CD40: variants seen among roughly 807,000 people sequenced by gnomAD.
CD40 encodes CD40 molecule.
In CD40, 19 loss-of-function variants were observed where a neutral mutation model predicts 38.5. The ratio of observed to expected loss-of-function variants is 0.49; its 90% CI spans 0.34 to 0.72. The LOEUF (loss-of-function observed/expected upper bound fraction) is 0.72, where lower values mean the gene tolerates loss of function less well. CD40 is among the 30% of genes least tolerant of loss of function. CD40 has a pLI of 0.01. For synonymous variants in CD40, 130 were observed against 128.7 expected, an observed-to-expected ratio of 1.01 and a Z score of -0.07; for missense variants, 256 against 344.1, an observed-to-expected ratio of 0.74 and a Z score of 2.03.
chr20:46,120,519 A>C (rs762605131), intron 1 of CD40, among the ~76,000 whole-genome samples: 102 of 152,228 alleles, frequency 6.7e-4, no homozygotes, highest in Non-Finnish European at 2.8e-4. Flanking sequence ...TTCTTTTAAA[A>C]ATCCTTCTCA....
At chr20:46,128,857 G>T (rs779861390) in intron 8 of CD40, 25 bp from the exon 9 acceptor site, 17 of 1,613,384 alleles carry the variant, frequency 1.1e-5, no homozygotes, top group African/African-American at 2.7e-5. Context: ...GCTGCTGGGG[G>T]TGACCTCACA....
At chr20:46,125,346 C>G (rs1295218248) in intron 5 of CD40, among the ~76,000 whole-genome samples, 1 of 151,330 alleles carries the variant, frequency 6.6e-6, no homozygotes, top group Non-Finnish European at 1.5e-5. Context: ...GAGATCGAGA[C>G]CATCCTGGCT....
chr20:46,122,820 G>C lies in CD40; in HGVS notation c.403+64G>C. The C allele has an allele frequency of 1.9e-5, 30 of 1,585,078 alleles. No homozygotes were observed. The highest frequency in any genetic ancestry group is 2.2e-5 in the East Asian group (1 of 44,480). On this transcript the variant is annotated intron_variant, in intron 4 of 8. Transcript: ENST00000372285. This position sits in a 1 kb window ranked among gnomAD's most constrained non-coding sequence, Gnocchi z 5.0. ...AGAGGAGCTTAGGGCCCAAGGTGAGGGGCTGGGCAGTGGGCACTTAGCCCC... is the reference window on the plus strand; with the variant it reads ...AGAGGAGCTTAGGGCCCAAGGTGAGCGGCTGGGCAGTGGGCACTTAGCCCC...
chr20:46,123,611 C>T (rs2085361990), intron 5 of CD40, among the ~76,000 whole-genome samples: 1 of 152,152 alleles, frequency 6.6e-6, no homozygotes. Context: ...CCTCCAACTC[C>T]AAACCCACAC....
chr20:46,127,937 A>G, intron 6 of CD40: 2 of 994,846 alleles, frequency 2.0e-6, no homozygotes, highest in Non-Finnish European at 2.9e-6. Flanking sequence ...AATGTCGGCA[A>G]ATATTTCCAA....
At position 46,122,680 on chromosome 20, in the gene CD40, G is replaced by A. The variant is rs778017892; in HGVS notation, c.327G>A (p.Trp109Ter). The A allele has an allele frequency of 3.7e-6, 6 of 1,614,168 alleles. No individual in the cohort carries two copies. The highest frequency in any genetic ancestry group is 5.1e-6 in the Non-Finnish European group (6 of 1,180,034). The stretch of plus-strand genomic sequence containing the variant: ...CCATCTGCACCTGTGAAGAAGGCTG[G>A]CACTGTACGAGTGAGGCCTGTGAGA... ...TDTICTCEEG[W>*]HCTSEACESC... The change falls in exon 4 of 9, where the codon TGG (tryptophan) becomes TGA (stop). Residue 109 changes from tryptophan to a stop codon, truncating the protein, a stop_gained. Transcript: ENST00000372285. LOFTEE classifies it high-confidence loss of function. This position sits in a 1 kb window ranked among gnomAD's most constrained non-coding sequence, Gnocchi z 5.0.
chr20:46,126,919 T>C, intron 6 of CD40: 1 of 672,496 alleles, frequency 1.5e-6, no homozygotes, highest in Non-Finnish European at 2.5e-6. Context: ...TAACAGCACT[T>C]CCTTAGTAGG....
In CD40 at chr20:46,123,196, C is replaced by A. The variant is rs79661585; in HGVS notation, c.474C>A (p.Phe158Leu). 1 of 1,614,060 alleles carries A rather than the reference C, an allele frequency of 6.2e-7. No homozygotes were observed. The highest frequency in any genetic ancestry group is 8.5e-7 in the Non-Finnish European group (1 of 1,179,902). ...VGFFSNVSSAFEKCHPWTSCE... is the reference protein window; with the variant it reads ...VGFFSNVSSALEKCHPWTSCE... ...TCTTCTCCAATGTGTCATCTGCTTT[C>A]GAAAAATGTCACCCTTGGACAAGGT... The change falls in exon 5 of 9, where the codon TTC becomes TTA. Residue 158 changes from phenylalanine to leucine, a missense_variant. Physicochemically the swap from Phe to Leu is conservative, Grantham distance 22. Coordinates refer to ENST00000372285, the MANE Select transcript of CD40 (RefSeq NM_001250.6).
chr20:46,120,752 A>T (rs1320924733), intron 1 of CD40, among the ~76,000 whole-genome samples: 1 of 152,182 alleles, frequency 6.6e-6, no homozygotes, highest in Non-Finnish European at 1.5e-5. Flanking sequence ...CTTGGCAATG[A>T]TGTGAGGTTT....
chr20:46,126,536 A>G, intron 5 of CD40, 104 bp from the exon 6 acceptor site: 10 of 1,362,232 alleles, frequency 7.3e-6, no homozygotes, highest in Non-Finnish European at 8.3e-6. Context: ...GGATTTGTTG[A>G]TTGTTGACTG....
At chr20:46,121,607 A>G (rs2085318883) in intron 1 of CD40, 1 of 615,236 alleles carries the variant, frequency 1.6e-6, no homozygotes. Context: ...TTGCTTTGTA[A>G]AAATACCAGA....
chr20:46,128,417 G>A (rs527246432), intron 8 of CD40, 59 bp downstream of exon 8: 22 of 1,570,138 alleles, frequency 1.4e-5, no homozygotes, highest in South Asian at 8.9e-5. Flanking sequence ...ATGGCCTCAC[G>A]GTTGCCTATG....
At chr20:46,123,464 GGTATTGGGACA>G (rs1231502011) in intron 5 of CD40, among the ~76,000 whole-genome samples, 1 of 152,198 alleles carries the variant, frequency 6.6e-6, no homozygotes, top group African/African-American at 2.4e-5. Flanking sequence ...CTATCTTGGG[GGTATTGGGACA>G]CTTATTTTAG....
chr20:46,129,321 G>C lies in CD40; in HGVS notation c.*281G>C. 2.2e-6 allele frequency: 1 copy of C among 455,078 alleles called. No homozygotes were observed. Among genetic ancestry groups the C allele is most frequent in the Non-Finnish European group, 4.1e-6 (1 of 243,854 alleles). The allele number at this position is 455,078 out of a possible 1,614,324, so 28.2% of individuals were successfully genotyped here. A position where few individuals can be genotyped will look rare whatever the true frequency, so the allele number is the denominator to read the frequency against. On this transcript the variant is annotated 3_prime_UTR_variant, in exon 9 of 9. Transcript: ENST00000372285. ...TTGGTGGTGGTGGTGTTGGGGTATG[G>C]TTTAGTAATATCCACCAGACCTTCC...
At position 46,121,839 on chromosome 20, in the gene CD40, C is replaced by T; in HGVS notation, c.71C>T (p.Thr24Ile). Reference protein sequence around the residue: ...LLTAVHPEPPTACREKQYLIN... With the variant: ...LLTAVHPEPPIACREKQYLIN... Reference sequence around the variant, plus strand: ...TTTTAGGTCCATCCAGAACCACCCACTGCATGCAGAGAAAAACAGTACCTA... The same window carrying T: ...TTTTAGGTCCATCCAGAACCACCCATTGCATGCAGAGAAAAACAGTACCTA... Residue 24 changes from threonine (T) to isoleucine (I), a missense_variant, in exon 2 of 9, where the codon ACT becomes ATT. Coordinates refer to ENST00000372285, the MANE Select transcript of CD40 (RefSeq NM_001250.6). 6.2e-7 allele frequency: 1 copy of T among 1,614,076 alleles called. No homozygotes were observed. Among genetic ancestry groups the T allele is most frequent in the Non-Finnish European group, 8.5e-7 (1 of 1,179,904 alleles).
rs759260973 is a variant in CD40 at position 46,118,425 on chromosome 20, GT to G, written c.51+33del. 9 of 1,554,702 alleles carry G rather than the reference GT, an allele frequency of 5.8e-6. No homozygotes were observed. The East Asian group carries it at 2.2e-4, about 38-fold the overall frequency. On this transcript the variant is annotated intron_variant, in intron 1 of 8. Transcript: ENST00000372285. ...TTGTTTTTGCCCCGACCAGACGGGA[GT>G]TGGGAGTGGGGAATGAGAAGGAAAG...
rs2085256711 is a variant in CD40, at chr20:46,118,536, G to T, written c.51+142G>T. ...GGTGGGAGCTGGGCAAGGTGCCCCC[G>T]CTCCTGGCTGAATGGGGTGGGCTGC... On this transcript the variant is annotated intron_variant, in intron 1 of 8. Transcript: ENST00000372285. 3 of 796,604 alleles carry T rather than the reference G, an allele frequency of 3.8e-6. No individual in the cohort carries two copies. The South Asian group carries it at 4.4e-5, about 12-fold the overall frequency. 49.3% of individuals were successfully genotyped at this position (796,604 alleles called of 1,614,324 possible).
Position 46,122,754 on chromosome 20 carries a change from T to C in CD40, c.401T>C (p.Ile134Thr), listed in dbSNP as rs371997367. 1.9e-6 allele frequency: 3 copies of C among 1,613,864 alleles called. No homozygotes were observed. Among genetic ancestry groups the C allele is most frequent in the Non-Finnish European group, 2.5e-6 (3 of 1,180,008 alleles). Reference protein sequence around the residue: ...SCSPGFGVKQIATGVSDTICE... With the variant: ...SCSPGFGVKQTATGVSDTICE... ...TCGCCCGGCTTTGGGGTCAAGCAGA[T>C]TGGTAAGTGGCTCATCTGGGAATCA... The change falls in exon 4 of 9, where the codon ATT (isoleucine) becomes ACT (threonine). Residue 134 changes from isoleucine (I) to threonine (T), a missense_variant and splice_region_variant. By Grantham distance (89) the Ile-to-Thr change is moderately conservative. Transcript: ENST00000372285. This position sits in a 1 kb window ranked among gnomAD's most constrained non-coding sequence, Gnocchi z 5.0.
intron 5 of CD40, among the ~76,000 whole-genome samples, chr20:46,124,751 G>GTATTTTTTT (rs2085390264): frequency 1.4e-5 from 1 of 73,938 alleles, no homozygotes. Context: ...CACTGGTATA[G>GTATTTTTTT]TTTTTTTTTT....
Sources: allele counts gnomAD v4.1 joint callset (sites outside exome capture counted in the v4.1 genomes callset), GRCh38; gene constraint gnomAD v4.1.1; non-coding constraint Gnocchi (gnomAD v3.1); transcripts MANE v1.5; gene names NCBI Gene and HGNC (gene_info 2026-07-23, HGNC 2026-07-21).